Variants in PBRM1 observed in about 807,000 individuals in gnomAD.
PBRM1 encodes protein polybromo-1.
Under a neutral mutation model 194.5 loss-of-function variants are expected in PBRM1, and 27 were observed. The observed-to-expected ratio is 0.14, with a 90% CI of 0.10 to 0.19. The LOEUF is 0.19. PBRM1 is among the 10% of genes least tolerant of loss of function. PBRM1 has a pLI of 1.00. For synonymous variants in PBRM1, 655 were observed against 693.2 expected (o/e 0.94, Z 0.87); for missense variants, 1,466 against 2,077.2 (o/e 0.71, Z 5.72).
At chr3:52,618,065 T>C (rs1318504048) in intron 13 of PBRM1, among the ~76,000 whole-genome samples, 1 of 152,214 alleles carries the variant, frequency 6.6e-6, no homozygotes, top group Non-Finnish European at 1.5e-5. Flanking sequence ...GCCAGACTAG[T>C]GTCTTTACAG....
At chr3:52,580,761 T>C (rs766770992) in intron 20 of PBRM1, among the ~76,000 whole-genome samples, 3 of 152,154 alleles carry the variant, frequency 2.0e-5, no homozygotes, top group Admixed American at 6.6e-5. Flanking sequence ...GTTTCCTCAT[T>C]TGTGAAATGA....
At chr3:52,600,050 ATATT>A (rs1470601585) in intron 17 of PBRM1, among the ~76,000 whole-genome samples, 2 of 152,126 alleles carry the variant, frequency 1.3e-5, no homozygotes, top group African/African-American at 4.8e-5. Flanking sequence ...TATAATATAA[ATATT>A]TATGGGGCAC....
chr3:52,558,187 A>AG (rs2082632198), intron 26 of PBRM1, 62 bp downstream of exon 28: 1 of 1,257,658 alleles, frequency 8.0e-7, no homozygotes, highest in Non-Finnish European at 1.1e-6. Flanking sequence ...TCCTTATTGG[A>AG]GAAAAAAAAA....
chr3:52,589,048 CTTT>C lies in PBRM1; in HGVS notation c.2965+19_2965+21del, dbSNP rs3214675. 6.7e-4 allele frequency: 1,061 copies of C among 1,589,056 alleles called. 12 individuals are homozygous for C. The East Asian group carries it at 0.018, about 27-fold the overall frequency. Reference sequence around the variant, plus strand: ...AACAGTCATATCTCACTAAACTGTCCTTTGATTTAAAACAAACTTACCAGCTGA... The same window carrying C: ...AACAGTCATATCTCACTAAACTGTCCGATTTAAAACAAACTTACCAGCTGA... On this transcript the variant is annotated intron_variant, in intron 18 of 29. Transcript: ENST00000296302.
intron 10 of PBRM1, among the ~76,000 whole-genome samples, chr3:52,640,902 G>A (rs2096055894): frequency 6.6e-6 from 1 of 151,996 alleles, no homozygotes; most frequent in East Asian, 1.9e-4. Context: ...GCCTCCCAAA[G>A]TGCTGAGATC....
At chr3:52,560,379 A>G (rs2083229629) in intron 25 of PBRM1, among the ~76,000 whole-genome samples, 1 of 152,232 alleles carries the variant, frequency 6.6e-6, no homozygotes, top group African/African-American at 2.4e-5. Flanking sequence ...GGTCAGAAAT[A>G]TCAAAGCTCC....
At chr3:52,647,681 T>C (rs994462685) in intron 7 of PBRM1, among the ~76,000 whole-genome samples, 2 of 151,704 alleles carry the variant, frequency 1.3e-5, no homozygotes, top group Non-Finnish European at 2.9e-5. Context: ...TGCTACAAAA[T>C]GGATAAACCC....
chr3:52,570,973 T>G (rs1400615203), intron 22 of PBRM1, among the ~76,000 whole-genome samples: 1 of 151,912 alleles, frequency 6.6e-6, no homozygotes, highest in Non-Finnish European at 1.5e-5. Context: ...CTCTCCCATC[T>G]TGGCCTCTCA....
chr3:52,575,281 T>C (rs1397595563), intron 22 of PBRM1, among the ~76,000 whole-genome samples: 1 of 151,936 alleles, frequency 6.6e-6, no homozygotes, highest in African/African-American at 2.4e-5. Context: ...CAAACAACCA[T>C]AACCTATAAT....
chr3:52,609,974 T>C lies in PBRM1; in HGVS notation c.1925-19A>G, dbSNP rs747274424. 7 of 1,387,916 alleles carry C rather than the reference T, an allele frequency of 5.0e-6. No homozygotes were observed. Among genetic ancestry groups the C allele is most frequent in the Non-Finnish European group, 9.7e-7 (1 of 1,036,260 alleles). 86.0% of individuals were successfully genotyped at this position (1,387,916 alleles called of 1,614,324 possible). A position where few individuals can be genotyped will look rare whatever the true frequency, so the allele number is the denominator to read the frequency against. ...TTCCTACCTAAAGAGAGATATTTAATGTTAAATGAATAAAATAAATGAACC... is the reference window on the plus strand; with the variant it reads ...TTCCTACCTAAAGAGAGATATTTAACGTTAAATGAATAAAATAAATGAACC... On this transcript the variant is annotated intron_variant, in intron 15 of 29. Coordinates refer to ENST00000296302, the Ensembl canonical transcript of PBRM1. This position sits in a 1 kb window ranked among gnomAD's most constrained non-coding sequence, Gnocchi z 4.1.
intron 4 of PBRM1, among the ~76,000 whole-genome samples, chr3:52,661,730 A>T (rs188596021): frequency 5.8e-4 from 88 of 152,350 alleles, no homozygotes; most frequent in African/African-American, 2.0e-3. Flanking sequence ...GGGAGGTTCT[A>T]GGAACAGTAA....
At chr3:52,638,205 G>C (rs534293122) in intron 10 of PBRM1, among the ~76,000 whole-genome samples, 3 of 152,062 alleles carry the variant, frequency 2.0e-5, no homozygotes, top group Non-Finnish European at 4.4e-5. Context: ...ATTTTGTGCA[G>C]TTTTGATGTC....
intron 6 of PBRM1, among the ~76,000 whole-genome samples, chr3:52,650,588 T>G (rs1327922066): frequency 6.6e-6 from 1 of 152,134 alleles, no homozygotes; most frequent in Non-Finnish European, 1.5e-5. Flanking sequence ...TTTTCCTTTT[T>G]GCCTTACCTC....
At chr3:52,571,238 G>T (rs1277976707) in intron 22 of PBRM1, among the ~76,000 whole-genome samples, 1 of 150,780 alleles carries the variant, frequency 6.6e-6, no homozygotes, top group Non-Finnish European at 1.5e-5. Context: ...CAGGAGAATC[G>T]CTTGAACCCA....
chr3:52,596,810 G>A (rs527552196), intron 17 of PBRM1, among the ~76,000 whole-genome samples: 7 of 152,224 alleles, frequency 4.6e-5, no homozygotes, highest in Non-Finnish European at 7.4e-5. Flanking sequence ...GAGGGGTGGC[G>A]CAAGTACTCC....
chr3:52,586,363 T>C, intron 20 of PBRM1, 62 bp downstream of exon 22: 1 of 1,375,820 alleles, frequency 7.3e-7, no homozygotes, highest in Non-Finnish European at 1.0e-6. Context: ...TTTATTCATT[T>C]ATTTTCTGGA....
rs566481465 is a variant in PBRM1 at position 52,612,258 on chromosome 3, C to CAAAAAAAAAAAAAAAAAAAAAAAA, written c.1925-2327_1925-2304dup. On this transcript the variant is annotated intron_variant, in intron 15 of 29. Transcript: ENST00000296302. ...TAGGCAACAGAGCGAGATTCCGTCT[C>CAAAAAAAAAAAAAAAAAAAAAAAA]AAAAAAAAAAAAAAAAAAAAAAAAG... 8.7e-4 allele frequency among the ~76,000 whole-genome samples: 21 copies of CAAAAAAAAAAAAAAAAAAAAAAAA among 24,008 alleles called. 2 individuals are homozygous for CAAAAAAAAAAAAAAAAAAAAAAAA. The highest frequency in any genetic ancestry group is 1.5e-3 in the Non-Finnish European group (20 of 12,908). 15.8% of individuals were successfully genotyped at this position (24,008 alleles called of 152,430 possible). A position where few individuals can be genotyped will look rare whatever the true frequency, so the allele number is the denominator to read the frequency against.
chr3:52,550,413 A>G lies in PBRM1; in HGVS notation c.4897+8T>C. The stretch of plus-strand genomic sequence containing the variant: ...ATTTCACAAAGGCTTATTTAGAAGG[A>G]ATCTTACCTGCCAGTGTCTGATCCC... On this transcript the variant is annotated splice_region_variant and intron_variant, in intron 29 of 29. Coordinates refer to ENST00000296302, the Ensembl canonical transcript of PBRM1. 3.9e-6 allele frequency: 4 copies of G among 1,023,572 alleles called. No homozygotes were observed. The highest frequency in any genetic ancestry group is 4.0e-6 in the Non-Finnish European group (3 of 750,310). The allele number at this position is 1,023,572 out of a possible 1,614,324, so 63.4% of individuals were successfully genotyped here.
intron 2 of PBRM1, among the ~76,000 whole-genome samples, chr3:52,674,112 A>G (rs959293663): frequency 4.0e-5 from 6 of 151,800 alleles, no homozygotes; most frequent in Non-Finnish European, 7.4e-5. Context: ...TAGAGAATAG[A>G]AAAACAATTT....
Sources: gnomAD v4.1 joint callset for allele counts (sites outside exome capture counted in the v4.1 genomes callset) on GRCh38, gnomAD v4.1.1 for gene constraint, Gnocchi (gnomAD v3.1) non-coding constraint, MANE v1.5 for transcripts, NCBI Gene and HGNC (gene_info 2026-07-23, HGNC 2026-07-21) for gene names.